The following TMEM232 variants were observed in gnomAD, a reference collection of about 807,000 sequenced individuals.
TMEM232 encodes the protein transmembrane protein 232.
In TMEM232, 80 loss-of-function variants were observed where a neutral mutation model predicts 78.8. That is an observed-to-expected ratio of 1.01 (90% CI 0.85 to 1.22). TMEM232 has a LOEUF of 1.22. Among genes scored for constraint, TMEM232 ranks in the 50% most tolerant of loss-of-function variants. The probability of loss-of-function intolerance (pLI) is 0.00; values close to 1 mark genes in which losing one functional copy is unlikely to be tolerated. For synonymous variants in TMEM232, 297 were observed against 254.3 expected, an observed-to-expected ratio of 1.17 and a Z score of -1.60; for missense variants, 881 against 742.2, an observed-to-expected ratio of 1.19 and a Z score of -2.17.
At chr5:110,388,764 C>T (rs564234005) in intron 4 of TMEM232, among the ~76,000 whole-genome samples, 2 of 152,130 alleles carry the variant, frequency 1.3e-5, no homozygotes, top group African/African-American at 2.4e-5. Flanking sequence ...ATACATAGAA[C>T]CCAAGACTCT....
chr5:110,412,871 T>C (rs1013843310), intron 2 of TMEM232, among the ~76,000 whole-genome samples: 2 of 152,190 alleles, frequency 1.3e-5, no homozygotes, highest in Admixed American at 1.3e-4. Flanking sequence ...GTATTAAATA[T>C]TAATTTTTTA....
intron 13 of TMEM232, among the ~76,000 whole-genome samples, chr5:110,422,360 T>C (rs1401722593): frequency 2.7e-5 from 4 of 150,294 alleles, no homozygotes; most frequent in African/African-American, 9.8e-5. Context: ...CTAAACAAAA[T>C]ACAAAAAAAA....
intron 8 of TMEM232, among the ~76,000 whole-genome samples, chr5:110,613,603 A>C (rs945448440): frequency 1.3e-5 from 2 of 152,162 alleles, no homozygotes; most frequent in African/African-American, 4.8e-5. Flanking sequence ...AAGACTATTT[A>C]GTCCAGCAAA....
intron 1 of TMEM232, among the ~76,000 whole-genome samples, chr5:110,670,277 A>G (rs1015691666): frequency 1.3e-5 from 2 of 152,240 alleles, no homozygotes; most frequent in African/African-American, 4.8e-5. Context: ...AAGTAACTTC[A>G]GCAAAGTCTC....
At chr5:110,712,584 T>G (rs1019702418) in intron 1 of TMEM232, among the ~76,000 whole-genome samples, 5 of 152,266 alleles carry the variant, frequency 3.3e-5, no homozygotes, top group African/African-American at 9.6e-5. Context: ...TTACCTTGTG[T>G]AAAAAGTCCC....
intron 12 of TMEM232, among the ~76,000 whole-genome samples, chr5:110,492,219 A>G (rs1298812759): frequency 6.6e-6 from 1 of 151,880 alleles, no homozygotes; most frequent in Non-Finnish European, 1.5e-5. Flanking sequence ...TAAAATTAAA[A>G]AAAGAATATC....
intron 2 of TMEM232, among the ~76,000 whole-genome samples, chr5:110,732,293 A>G (rs1168828688): frequency 2.0e-5 from 3 of 151,834 alleles, no homozygotes; most frequent in East Asian, 1.9e-4. Context: ...AACTATTCCA[A>G]CTTCTGCCTA....
At chr5:110,626,264 A>G (rs1046795497) in intron 6 of TMEM232, among the ~76,000 whole-genome samples, 6 of 152,050 alleles carry the variant, frequency 3.9e-5, no homozygotes, top group African/African-American at 1.4e-4. Context: ...TAATTTTTCA[A>G]AGTTGATCTG....
intron 10 of TMEM232, among the ~76,000 whole-genome samples, chr5:110,582,781 G>C (rs148835999): frequency 7.7e-4 from 117 of 152,032 alleles, no homozygotes; most frequent in African/African-American, 2.8e-3. Flanking sequence ...ACAAAATCAA[G>C]TGCGTTAAAA....
At chr5:110,411,405 T>C (rs370897212) in intron 2 of TMEM232, among the ~76,000 whole-genome samples, 2 of 152,240 alleles carry the variant, frequency 1.3e-5, no homozygotes. Flanking sequence ...TCCTTTTTGA[T>C]AGGATATTTG....
intron 13 of TMEM232, among the ~76,000 whole-genome samples, chr5:110,422,790 CTTTT>C (rs1285001689): frequency 6.6e-6 from 1 of 152,040 alleles, no homozygotes; most frequent in Non-Finnish European, 1.5e-5. Context: ...AGCATACTTT[CTTTT>C]TGTCTCTGGT....
chr5:110,725,104 T>C (rs550971635), intron 1 of TMEM232, among the ~76,000 whole-genome samples: 1 of 152,304 alleles, frequency 6.6e-6, no homozygotes. Flanking sequence ...AAATAAAAAG[T>C]GTGATATATA....
At chr5:110,575,802 A>T (rs1777511783) in intron 10 of TMEM232, among the ~76,000 whole-genome samples, 1 of 152,044 alleles carries the variant, frequency 6.6e-6, no homozygotes, top group Non-Finnish European at 1.5e-5. Context: ...CCCTCAGGTC[A>T]GGAGATACAT....
chr5:110,708,920 A>G (rs1178087670), intron 1 of TMEM232, among the ~76,000 whole-genome samples: 3 of 152,104 alleles, frequency 2.0e-5, no homozygotes, highest in African/African-American at 7.2e-5. Context: ...GAACTCTTCA[A>G]TAAAAAAAAA....
intron 2 of TMEM232, among the ~76,000 whole-genome samples, chr5:110,666,190 C>G (rs1790564425): frequency 6.6e-6 from 1 of 152,076 alleles, no homozygotes; most frequent in Admixed American, 6.6e-5. Flanking sequence ...CAGAATCTGA[C>G]CTGCTCCTTT....
At chr5:110,471,784 T>C (rs949209675) in intron 12 of TMEM232, among the ~76,000 whole-genome samples, 3 of 152,010 alleles carry the variant, frequency 2.0e-5, no homozygotes, top group African/African-American at 7.2e-5. Flanking sequence ...ATGACAGTCC[T>C]TTGAGTAGAA....
intron 12 of TMEM232, among the ~76,000 whole-genome samples, chr5:110,526,148 T>G (rs967080537): frequency 6.0e-5 from 9 of 151,090 alleles, no homozygotes; most frequent in Admixed American, 1.3e-4. Flanking sequence ...ATTTTTAATC[T>G]TAGGGTGAAA....
At chr5:110,547,839 A>T (rs958388259) in intron 11 of TMEM232, among the ~76,000 whole-genome samples, 2 of 151,818 alleles carry the variant, frequency 1.3e-5, no homozygotes, top group African/African-American at 4.8e-5. Context: ...CTCTACTAAA[A>T]ATACAAAAAT....
At chr5:110,632,266 A>T (rs1276548524) in intron 5 of TMEM232, among the ~76,000 whole-genome samples, 4 of 152,204 alleles carry the variant, frequency 2.6e-5, no homozygotes, top group Admixed American at 6.5e-5. Context: ...GTGAAAGCAA[A>T]TTCAAAAAAT....
Sources: allele counts gnomAD v4.1 joint callset (sites outside exome capture counted in the v4.1 genomes callset), GRCh38; gene constraint gnomAD v4.1.1; transcripts MANE v1.5; gene names NCBI Gene and HGNC (gene_info 2026-07-23, HGNC 2026-07-21).